The following CPNE3 variants were observed in gnomAD, a reference collection of about 807,000 sequenced individuals.
CPNE3 encodes copine 3.
A neutral mutation model predicts 63.9 loss-of-function variants in CPNE3; 68 were observed. The observed-to-expected ratio is 1.06, with a 90% confidence interval of 0.87 to 1.30. The LOEUF (loss-of-function observed/expected upper bound fraction) is 1.30, where lower values mean the gene tolerates loss of function less well. Ranked by LOEUF, CPNE3 falls within the 50% of genes most tolerant of loss-of-function variation. CPNE3 has a pLI of 0.00. For synonymous variants in CPNE3, 219 were observed against 197.5 expected (o/e 1.11, Z -0.91); for missense variants, 665 against 578.1 (o/e 1.15, Z -1.54).
chr8:86,516,808 A>G (rs544357902), intron 2 of CPNE3, among the ~76,000 whole-genome samples: 130 of 151,916 alleles, frequency 8.6e-4, no homozygotes, highest in Non-Finnish European at 1.3e-3. Flanking sequence ...TCCCTTTCAA[A>G]TGTTCTTTAG....
chr8:86,535,114 T>G (rs934052284), intron 6 of CPNE3, among the ~76,000 whole-genome samples: 1 of 152,170 alleles, frequency 6.6e-6, no homozygotes, highest in Non-Finnish European at 1.5e-5. Context: ...GAACTTCTTT[T>G]TGAAGTTCTT....
In CPNE3 at chr8:86,543,385, T is replaced by G. The variant is rs181883876; in HGVS notation, c.634-1355T>G. On this transcript the variant is annotated intron_variant, in intron 8 of 16. Transcript: ENST00000517490. ...AAAACATAAGTAGGGAATGAAAGAC[T>G]TCCAGTTATGATAAGCATTCATTTC... 2.0e-5 allele frequency among the ~76,000 whole-genome samples: 3 copies of G among 152,280 alleles called. No homozygotes were observed. In the East Asian group the frequency reaches 5.8e-4, roughly 29 times the overall value.
At chr8:86,548,472 C>T in intron 12 of CPNE3, 38 bp downstream of exon 12, 1 of 1,612,144 alleles carries the variant, frequency 6.2e-7, no homozygotes, top group Non-Finnish European at 8.5e-7. Flanking sequence ...TACATGTTTT[C>T]ACAATTCCCC....
At chr8:86,548,525 T>A in intron 12 of CPNE3, 91 bp downstream of exon 12, 1 of 1,498,488 alleles carries the variant, frequency 6.7e-7, no homozygotes, top group South Asian at 1.2e-5. Context: ...CTGATATAGG[T>A]GGTAGGTTGA....
chr8:86,529,079 G>A lies in CPNE3; in HGVS notation c.267G>A (p.Leu89=). The A allele has an allele frequency of 1.9e-6, 3 of 1,614,008 alleles. No individual in the cohort carries two copies. Among genetic ancestry groups the A allele is most frequent in the East Asian group, 2.2e-5 (1 of 44,852 alleles). ...ACATCGACAACAAAACTATTGAGCT[G>A]AGTGATGATGACTTCTTAGGGGAAT... ...VYDIDNKTIE[L]SDDDFLGECE... is the part of the protein sequence containing the mutation. The change falls in exon 4 of 17, where the codon CTG becomes CTA. Residue 89 remains leucine, a synonymous_variant. Coordinates refer to ENST00000517490, the MANE Select transcript of CPNE3 (RefSeq NM_003909.5).
chr8:86,524,913 TG>T (rs1297630632), intron 2 of CPNE3: 2 of 140,754 alleles, frequency 1.4e-5, no homozygotes, highest in Non-Finnish European at 3.2e-5. Context: ...TGGAATGCAA[TG>T]GCGTGATCTC....
At chr8:86,523,569 A>T (rs1286386993) in intron 2 of CPNE3, among the ~76,000 whole-genome samples, 1 of 152,148 alleles carries the variant, frequency 6.6e-6, no homozygotes, top group African/African-American at 2.4e-5. Flanking sequence ...TGTATGAATG[A>T]AGTATCATTT....
At chr8:86,556,935 T>C (rs1316240759) in intron 16 of CPNE3, among the ~76,000 whole-genome samples, 1 of 152,188 alleles carries the variant, frequency 6.6e-6, no homozygotes, top group Non-Finnish European at 1.5e-5. Flanking sequence ...CTTTTGGGAT[T>C]GGCTTTTTTT....
rs759966086 is a variant in CPNE3 at position 86,548,384 on chromosome 8, G to C, written c.963G>C (p.Glu321Asp). ...LHYISPNGVN[E>D]YLTALWSVGL... The stretch of plus-strand genomic sequence containing the variant: ...ACATCAGCCCCAATGGCGTTAATGA[G>C]TATTTGACTGCTCTCTGGTCTGTGG... Residue 321 changes from glutamate (E) to aspartate (D), a missense_variant, in exon 12 of 17, where the codon GAG becomes GAC. Transcript: ENST00000517490. 6.2e-7 allele frequency: 1 copy of C among 1,614,200 alleles called. No homozygotes were observed. The highest frequency in any genetic ancestry group is 1.1e-5 in the South Asian group (1 of 91,084).
chr8:86,551,222 C>A lies in CPNE3; in HGVS notation c.1108C>A (p.Pro370Thr). The A allele has an allele frequency of 6.3e-7, 1 of 1,597,244 alleles. No individual in the cohort carries two copies. The highest frequency in any genetic ancestry group is 8.6e-7 in the Non-Finnish European group (1 of 1,164,784). Residue 370 changes from proline to threonine, a missense_variant, in exon 14 of 17, where the codon CCC becomes ACC. Physicochemically the swap from Pro to Thr is conservative, Grantham distance 38. Coordinates refer to ENST00000517490, the MANE Select transcript of CPNE3 (RefSeq NM_003909.5). ...TCCAATGAACTTCAACCCATCCAAT[C>A]CCTACTGCAATGGTAAGTTAAAAAA... ...EFPMNFNPSN[P>T]YCNGIQGIVE...
chr8:86,546,453 T>C, intron 9 of CPNE3, 142 bp from the exon 10 acceptor site: 4 of 745,404 alleles, frequency 5.4e-6, no homozygotes, highest in Non-Finnish European at 2.2e-6. Context: ...TATTATGTAA[T>C]TGTTTCAGAG....
intron 8 of CPNE3, among the ~76,000 whole-genome samples, chr8:86,540,794 G>A (rs768317390): frequency 3.9e-5 from 6 of 152,126 alleles, no homozygotes; most frequent in African/African-American, 1.2e-4. Context: ...TTTTCAGAAT[G>A]AGATAAGTAA....
In CPNE3 at chr8:86,560,902, C is replaced by T. The variant is rs886533702; in HGVS notation, c.*2492C>T. 4.6e-5 allele frequency: 7 copies of T among 152,166 alleles called. No homozygotes were observed. Among genetic ancestry groups the T allele is most frequent in the Middle Eastern group, 3.2e-3 (1 of 316 alleles). The allele number at this position is 152,166 out of a possible 1,614,324, so 9.4% of individuals were successfully genotyped here. A position where few individuals can be genotyped will look rare whatever the true frequency, so the allele number is the denominator to read the frequency against. ...TATTGACTTTCACACCTCATATAAT[C>T]AGATCTATTACAAATATATATCGGA... On this transcript the variant is annotated 3_prime_UTR_variant, in exon 17 of 17. Transcript: ENST00000517490.
chr8:86,546,525 C>A, intron 9 of CPNE3, 70 bp from the exon 10 acceptor site: 3 of 1,504,700 alleles, frequency 2.0e-6, no homozygotes, highest in Non-Finnish European at 2.7e-6. Context: ...AAAAGTCATT[C>A]ATTTAAAGTC....
intron 2 of CPNE3, among the ~76,000 whole-genome samples, chr8:86,526,709 A>G (rs958673022): frequency 5.3e-5 from 8 of 152,144 alleles, no homozygotes; most frequent in South Asian, 2.1e-4. Context: ...ACGAGGTTTC[A>G]CCATGTTGAC....
At chr8:86,530,337 TTTTTGTATTA>T (rs1820646595) in intron 4 of CPNE3, among the ~76,000 whole-genome samples, 1 of 151,606 alleles carries the variant, frequency 6.6e-6, no homozygotes. Context: ...ACCTGGCTAA[TTTTTGTATTA>T]TTTTGTAGAG....
At chr8:86,549,682 T>C (rs1264526549) in intron 12 of CPNE3, among the ~76,000 whole-genome samples, 1 of 152,210 alleles carries the variant, frequency 6.6e-6, no homozygotes, top group Non-Finnish European at 1.5e-5. Context: ...TTCACATTGC[T>C]AGGGGTAAAT....
chr8:86,515,682 T>A (rs370395562), intron 2 of CPNE3, among the ~76,000 whole-genome samples, 183 bp downstream of exon 2: 10 of 152,240 alleles, frequency 6.6e-5, no homozygotes, highest in African/African-American at 2.4e-4. Flanking sequence ...AGGGCCTGTT[T>A]CTGCATTTGT....
intron 6 of CPNE3, among the ~76,000 whole-genome samples, chr8:86,534,035 A>G (rs1210994647): frequency 6.6e-6 from 1 of 152,088 alleles, no homozygotes; most frequent in Admixed American, 6.5e-5. Context: ...CTGAGGCAGG[A>G]AGATGGCTTG....
Sources: gnomAD v4.1 joint callset for allele counts (sites outside exome capture counted in the v4.1 genomes callset) on GRCh38, gnomAD v4.1.1 for gene constraint, MANE v1.5 for transcripts, NCBI Gene and HGNC (gene_info 2026-07-23, HGNC 2026-07-21) for gene names.